Variants in PLD1 observed in about 807,000 individuals in gnomAD.
PLD1 encodes choline phosphatase 1.
In PLD1, 112 loss-of-function variants were observed where a neutral mutation model predicts 137.1. The observed-to-expected ratio is 0.82, with a 90% confidence interval of 0.70 to 0.96. The LOEUF is 0.96. Among genes scored for constraint, PLD1 ranks in the 40% least tolerant of loss-of-function variants. PLD1 has a pLI of 0.00. For missense variants in PLD1, 1,321 were observed against 1,342.0 expected (o/e 0.98, Z 0.24); for synonymous variants, 431 against 454.7 (o/e 0.95, Z 0.66).
At chr3:171,732,169 A>G (rs1718994939) in intron 6 of PLD1, among the ~76,000 whole-genome samples, 1 of 152,242 alleles carries the variant, frequency 6.6e-6, no homozygotes, top group Non-Finnish European at 1.5e-5. Context: ...TTCAGACAAC[A>G]CAACAGGAGG....
intron 1 of PLD1, among the ~76,000 whole-genome samples, chr3:171,776,930 G>T (rs1000933546): frequency 4.0e-5 from 6 of 151,818 alleles, no homozygotes; most frequent in Non-Finnish European, 8.8e-5. Context: ...TTATCTCAAG[G>T]TTAACTAGAT....
chr3:171,685,946 C>T (rs945197316), intron 16 of PLD1, among the ~76,000 whole-genome samples: 2 of 151,992 alleles, frequency 1.3e-5, no homozygotes, highest in Non-Finnish European at 2.9e-5. Context: ...TGGCAAAACC[C>T]CATTTCTACT....
chr3:171,778,687 G>T (rs757495260), intron 1 of PLD1, among the ~76,000 whole-genome samples: 4 of 152,226 alleles, frequency 2.6e-5, no homozygotes, highest in Non-Finnish European at 5.9e-5. Flanking sequence ...CAACAAAAAG[G>T]CCAGTGTAGT....
At chr3:171,775,230 A>T (rs1253087723) in intron 1 of PLD1, among the ~76,000 whole-genome samples, 1 of 152,160 alleles carries the variant, frequency 6.6e-6, no homozygotes, top group African/African-American at 2.4e-5. Context: ...GATTTTTCAT[A>T]TCACATTAGT....
At chr3:171,639,158 T>A (rs1259119395) in intron 23 of PLD1, among the ~76,000 whole-genome samples, 1 of 146,478 alleles carries the variant, frequency 6.8e-6, no homozygotes, top group East Asian at 2.0e-4. Flanking sequence ...ATATGAAAGA[T>A]AGATATATAA....
At chr3:171,614,938 G>A (rs1732978177) in intron 24 of PLD1, among the ~76,000 whole-genome samples, 1 of 152,120 alleles carries the variant, frequency 6.6e-6, no homozygotes, top group African/African-American at 2.4e-5. Flanking sequence ...TTAGACAGAG[G>A]GTGTCGTTCT....
intron 17 of PLD1, among the ~76,000 whole-genome samples, 165 bp downstream of exon 17, chr3:171,677,401 T>C (rs1713491606): frequency 6.6e-6 from 1 of 152,206 alleles, no homozygotes; most frequent in Admixed American, 6.5e-5. Context: ...AAAAAGTCCT[T>C]AAGCACATGC....
In PLD1 at chr3:171,805,312, G is replaced by C. The variant is rs185640694; in HGVS notation, c.-32+5087C>G. Among the ~76,000 whole-genome samples, 312 of 152,272 alleles carry C rather than the reference G, an allele frequency of 2.0e-3. 1 individual carries two copies. Among genetic ancestry groups the C allele is most frequent in the Non-Finnish European group, 3.3e-3 (223 of 68,002 alleles). On this transcript the variant is annotated intron_variant, in intron 1 of 26. Transcript: ENST00000351298. ...GGGTCACGGGCATTAGGAGCAACGG[G>C]GGAAGCAATCCAGGATTCTGGAGCC...
At chr3:171,706,728 A>G (rs1237519189) in intron 11 of PLD1, among the ~76,000 whole-genome samples, 3 of 152,178 alleles carry the variant, frequency 2.0e-5, no homozygotes, top group African/African-American at 4.8e-5. Flanking sequence ...ATATGCTTGT[A>G]CAACAAGAAT....
chr3:171,709,590 G>A lies in PLD1; in HGVS notation c.1031C>T (p.Ala344Val), dbSNP rs1455685810. 1.2e-6 allele frequency: 2 copies of A among 1,613,992 alleles called. No homozygotes were observed. The highest frequency in any genetic ancestry group is 1.7e-6 in the Non-Finnish European group (2 of 1,179,882). ...AGCTAAAGCATTCTCTTGGATAGCA[G>A]CATATGACCCAAATCGATGATCTTT... ...FLKDHRFGSY[A>V]AIQENALAKW... Residue 344 changes from alanine (A) to valine (V), a missense_variant, in exon 10 of 27, where the codon GCT (alanine) becomes GTT (valine). Transcript: ENST00000351298.
chr3:171,781,263 T>C (rs1447464012), intron 1 of PLD1, among the ~76,000 whole-genome samples: 1 of 150,738 alleles, frequency 6.6e-6, no homozygotes, highest in Non-Finnish European at 1.5e-5. Context: ...AAACTAAATA[T>C]CTATATAGCA....
chr3:171,730,075 C>A (rs1245638390), intron 6 of PLD1, among the ~76,000 whole-genome samples: 1 of 152,156 alleles, frequency 6.6e-6, no homozygotes, highest in Non-Finnish European at 1.5e-5. Context: ...GAAAAAGGTA[C>A]ATTTATTGCT....
intron 23 of PLD1, among the ~76,000 whole-genome samples, 191 bp downstream of exon 23, chr3:171,642,649 G>C (rs1372257725): frequency 1.3e-5 from 2 of 151,898 alleles, no homozygotes; most frequent in Non-Finnish European, 2.9e-5. Context: ...TACCTATTTA[G>C]TCTTGGTGTC....
chr3:171,678,493 A>T (rs185446693), intron 16 of PLD1, among the ~76,000 whole-genome samples: 250 of 152,360 alleles, frequency 1.6e-3, no homozygotes, highest in Non-Finnish European at 2.8e-3. Context: ...GGCTAAATAC[A>T]AAGACAATGA....
intron 16 of PLD1, among the ~76,000 whole-genome samples, chr3:171,681,801 C>T (rs979672510): frequency 1.3e-5 from 2 of 152,168 alleles, no homozygotes; most frequent in Non-Finnish European, 2.9e-5. Context: ...GAATCTTACA[C>T]ATCCTATCCA....
chr3:171,737,614 T>C lies in PLD1; in HGVS notation c.206A>G (p.Glu69Gly). ...SAIYNTQGFK[E>G]PNIQTYLSGC... ...GGAGAGATACGTCTGTATATTAGGC[T>C]CCTTAAATCCTTGAGTGTTATAAAT... Residue 69 changes from glutamate (E) to glycine (G), a missense_variant, in exon 3 of 27, where the codon GAG (glutamate) becomes GGG (glycine). Transcript: ENST00000351298. 5 of 1,600,204 alleles carry C rather than the reference T, an allele frequency of 3.1e-6. No individual in the cohort carries two copies. Among genetic ancestry groups the C allele is most frequent in the Non-Finnish European group, 4.3e-6 (5 of 1,168,522 alleles).
chr3:171,759,206 C>G (rs1002203946), intron 1 of PLD1, among the ~76,000 whole-genome samples: 1 of 151,986 alleles, frequency 6.6e-6, no homozygotes, highest in African/African-American at 2.4e-5. Flanking sequence ...AAGCGGTATG[C>G]CTTATTCAGG....
chr3:171,650,834 C>G (rs561309683), intron 21 of PLD1, among the ~76,000 whole-genome samples: 1 of 152,024 alleles, frequency 6.6e-6, no homozygotes, highest in South Asian at 2.1e-4. Context: ...GGAGGCGGAG[C>G]TTGGCAGTGA....
intron 23 of PLD1, among the ~76,000 whole-genome samples, chr3:171,639,614 T>C (rs371612183): frequency 1.0e-3 from 73 of 71,170 alleles, no homozygotes; most frequent in African/African-American, 2.5e-3. Context: ...ATATATATTA[T>C]ATATAATATA....
Sources: allele counts gnomAD v4.1 joint callset (sites outside exome capture counted in the v4.1 genomes callset), GRCh38; gene constraint gnomAD v4.1.1; transcripts MANE v1.5; gene names NCBI Gene and HGNC (gene_info 2026-07-23, HGNC 2026-07-21).